GSE1: variants seen among roughly 807,000 people sequenced by gnomAD.
GSE1 encodes the protein genetic suppressor element 1.
GSE1 carries 32 observed loss-of-function variants against 112.6 expected under a neutral mutation model. The observed-to-expected ratio is 0.28, with a 90% CI of 0.21 to 0.38. The LOEUF (loss-of-function observed/expected upper bound fraction) is 0.38. Ranked by LOEUF, GSE1 falls within the 10% of genes least tolerant of loss-of-function variation. The pLI, the probability that GSE1 is intolerant of heterozygous loss-of-function variation, is 1.00. For synonymous variants in GSE1, 1,115 were observed against 735.6 expected, an observed-to-expected ratio of 1.52 and a Z score of -8.35; for missense variants, 2,348 against 1,699.2, an observed-to-expected ratio of 1.38 and a Z score of -6.71.
At chr16:85,213,418 A>G (rs1383033956) in intron 1 of GSE1, among the ~76,000 whole-genome samples, 1 of 152,096 alleles carries the variant, frequency 6.6e-6, no homozygotes, top group Non-Finnish European at 1.5e-5. Context: ...GTGCCACTGC[A>G]CTCCAGCTTG....
chr16:85,629,734 A>G (rs2049384755), intron 1 of GSE1, among the ~76,000 whole-genome samples: 1 of 152,154 alleles, frequency 6.6e-6, no homozygotes, highest in African/African-American at 2.4e-5. Context: ...TCTGGCATCG[A>G]AGGGACATGT....
chr16:85,300,652 G>C (rs564238803), intron 1 of GSE1, among the ~76,000 whole-genome samples: 1 of 152,324 alleles, frequency 6.6e-6, no homozygotes, highest in South Asian at 2.1e-4. Flanking sequence ...ATAGTCCATG[G>C]AGTGGTCCGA....
intron 1 of GSE1, among the ~76,000 whole-genome samples, chr16:85,335,236 C>T (rs1377414605): frequency 6.6e-6 from 1 of 152,246 alleles, no homozygotes; most frequent in African/African-American, 2.4e-5. Context: ...CAGCTCTGAG[C>T]CCGGGGGTGA....
In GSE1 at chr16:85,519,973, C is replaced by T. The variant is rs369781398; in HGVS notation, c.2465-113941C>T. 9.9e-5 allele frequency among the ~76,000 whole-genome samples: 15 copies of T among 152,258 alleles called. No individual in the cohort carries two copies. In the East Asian group the frequency reaches 1.2e-3, roughly 12 times the overall value. On this transcript the variant is annotated intron_variant, in intron 2 of 2. Coordinates refer to the GSE1 transcript ENST00000637419. ...CCCAGAGGCTTCTCCTTATGACCCA[C>T]GGTGCTTTGGGGCTTCTGGCCCTTC...
chr16:85,443,206 G>C (rs943222907), intron 2 of GSE1, among the ~76,000 whole-genome samples: 2 of 152,194 alleles, frequency 1.3e-5, no homozygotes, highest in African/African-American at 4.8e-5. Flanking sequence ...TTCCTCCCCA[G>C]CGTGCTGCTG....
chr16:85,248,521 CCTCT>C (rs60595401), intron 1 of GSE1, among the ~76,000 whole-genome samples: 3,575 of 148,930 alleles, frequency 0.024, 93 homozygotes, highest in African/African-American at 0.064. Flanking sequence ...TCCCTCTTTG[CCTCT>C]CTCTCTCTCT....
At chr16:85,369,457 C>T (rs751032545) in intron 2 of GSE1, among the ~76,000 whole-genome samples, 2 of 152,074 alleles carry the variant, frequency 1.3e-5, no homozygotes, top group African/African-American at 2.4e-5. Flanking sequence ...TTCAAGCAGT[C>T]CTCCCTCCCA....
intron 1 of GSE1, among the ~76,000 whole-genome samples, chr16:85,221,601 C>G (rs1178465073): frequency 1.3e-5 from 2 of 152,200 alleles, no homozygotes; most frequent in African/African-American, 4.8e-5. Context: ...ACTCCCCAGC[C>G]AGGGCTGCCC....
chr16:85,651,537 C>T (rs1160090277), intron 3 of GSE1, among the ~76,000 whole-genome samples: 2 of 152,194 alleles, frequency 1.3e-5, no homozygotes, highest in Admixed American at 1.3e-4. Flanking sequence ...GGACAGGCCC[C>T]TCCTTGTGGC....
intron 13 of GSE1, among the ~76,000 whole-genome samples, chr16:85,667,361 C>T (rs2052952149): frequency 6.6e-6 from 1 of 152,264 alleles, no homozygotes; most frequent in Non-Finnish European, 1.5e-5. Context: ...GGGCTGCCAT[C>T]CCCACGGGAG....
At chr16:85,532,018 A>C (rs990093211) in intron 2 of GSE1, among the ~76,000 whole-genome samples, 2 of 152,200 alleles carry the variant, frequency 1.3e-5, no homozygotes, top group Non-Finnish European at 2.9e-5. Flanking sequence ...AGACAGTAAC[A>C]GTGACAAGTC....
intron 14 of GSE1, among the ~76,000 whole-genome samples, chr16:85,668,923 T>G (rs2053104194): frequency 6.6e-6 from 1 of 152,252 alleles, no homozygotes; most frequent in Non-Finnish European, 1.5e-5. Context: ...AAAGACAGGC[T>G]CCTGGTAAAG....
At chr16:85,500,384 G>C (rs1179855050) in intron 2 of GSE1, among the ~76,000 whole-genome samples, 2 of 152,226 alleles carry the variant, frequency 1.3e-5, no homozygotes, top group African/African-American at 4.8e-5. Flanking sequence ...TGGGGAAGGG[G>C]AAGTGCACCA....
intron 2 of GSE1, among the ~76,000 whole-genome samples, chr16:85,510,849 C>G (rs1271132443): frequency 6.6e-6 from 1 of 152,248 alleles, no homozygotes; most frequent in Non-Finnish European, 1.5e-5. Context: ...ACCTGCCGTT[C>G]CCTTTCCCTG....
intron 1 of GSE1, among the ~76,000 whole-genome samples, chr16:85,290,999 G>C (rs1418012928): frequency 6.6e-6 from 1 of 152,250 alleles, no homozygotes; most frequent in African/African-American, 2.4e-5. Context: ...GACATGGGAG[G>C]GGGCTGCAGG....
chr16:85,534,191 G>A (rs546581889), intron 2 of GSE1, among the ~76,000 whole-genome samples: 11 of 149,316 alleles, frequency 7.4e-5, no homozygotes, highest in East Asian at 2.0e-4. Context: ...GCCTGATCTC[G>A]GCTCACTGCA....
rs570253440 is a variant in GSE1, at chr16:85,524,145, A to T, written c.2465-109769A>T. ...GGGGTGCAGGGGACCTACACGTTCA[A>T]ACCTCCCCGTCTGATTCCTGTGGCT... On this transcript the variant is annotated intron_variant, in intron 2 of 2. Transcript: ENST00000637419. Among the ~76,000 whole-genome samples the T allele has an allele frequency of 2.6e-5, 4 of 152,086 alleles. No homozygotes were observed. In the East Asian group the frequency reaches 7.7e-4, roughly 29 times the overall value.
At chr16:85,352,262 C>T (rs55794714) in intron 1 of GSE1, among the ~76,000 whole-genome samples, 37,780 of 152,064 alleles carry the variant, frequency 0.25, 4,986 homozygotes, top group South Asian at 0.43. Context: ...GGCTATTCAG[C>T]GGTGGGCTGT....
intron 1 of GSE1, among the ~76,000 whole-genome samples, chr16:85,231,503 G>T (rs1904286725): frequency 6.6e-6 from 1 of 152,232 alleles, no homozygotes; most frequent in African/African-American, 2.4e-5. Flanking sequence ...CGGAGGGATG[G>T]ATAGAAAGAT....
Sources: gnomAD v4.1 joint callset for allele counts (sites outside exome capture counted in the v4.1 genomes callset) on GRCh38, gnomAD v4.1.1 for gene constraint, MANE v1.5 for transcripts, NCBI Gene and HGNC (gene_info 2026-07-23, HGNC 2026-07-21) for gene names.